EXOC4: variants seen among roughly 807,000 people sequenced by gnomAD.
The protein encoded by EXOC4 is SEC8-like 1.
Under a neutral mutation model 107.2 loss-of-function variants are expected in EXOC4, and 71 were observed. That is an observed-to-expected ratio of 0.66 (90% CI 0.55 to 0.81). The LOEUF (loss-of-function observed/expected upper bound fraction) is 0.81. Among genes scored for constraint, EXOC4 ranks in the 30% least tolerant of loss-of-function variants. The probability of loss-of-function intolerance (pLI) is 0.00; values close to 1 mark genes in which losing one functional copy is unlikely to be tolerated. For missense variants in EXOC4, 1,108 were observed against 1,189.6 expected (o/e 0.93, Z 1.01); for synonymous variants, 456 against 441.2 (o/e 1.03, Z -0.42).
intron 17 of EXOC4, among the ~76,000 whole-genome samples, chr7:134,040,347 G>T (rs1325009754): frequency 6.6e-6 from 1 of 152,148 alleles, no homozygotes; most frequent in Non-Finnish European, 1.5e-5. Flanking sequence ...TTAAACTTAT[G>T]TTCCCACTGA....
chr7:133,749,963 T>G (rs954831120), intron 10 of EXOC4, among the ~76,000 whole-genome samples: 8 of 144,550 alleles, frequency 5.5e-5, no homozygotes, highest in East Asian at 2.0e-4. Context: ...CAGTTTTTTT[T>G]TTTTTTTTTT....
At chr7:133,431,947 C>A (rs1797865140) in intron 7 of EXOC4, among the ~76,000 whole-genome samples, 1 of 152,172 alleles carries the variant, frequency 6.6e-6, no homozygotes, top group Non-Finnish European at 1.5e-5. Flanking sequence ...TAAAATACTA[C>A]TTGAAAGTAC....
chr7:133,607,282 A>T (rs1194817990), intron 9 of EXOC4, among the ~76,000 whole-genome samples: 1 of 152,232 alleles, frequency 6.6e-6, no homozygotes, highest in Non-Finnish European at 1.5e-5. Flanking sequence ...TGATCAAATG[A>T]TAAAGTGAAG....
the EXOC4 span, among the ~76,000 whole-genome samples, chr7:134,077,665 A>C: frequency 6.6e-6 from 1 of 152,240 alleles, no homozygotes; most frequent in African/African-American, 2.4e-5. Flanking sequence ...GCTTAAAGCA[A>C]GCTTACAGGG....
intron 7 of EXOC4, among the ~76,000 whole-genome samples, chr7:133,453,175 T>A (rs1412299135): frequency 1.3e-5 from 2 of 152,204 alleles, no homozygotes; most frequent in Non-Finnish European, 2.9e-5. Flanking sequence ...GTTATATAAA[T>A]CATTTTATGT....
chr7:133,592,068 C>T (rs1304274070), intron 9 of EXOC4, among the ~76,000 whole-genome samples: 1 of 151,114 alleles, frequency 6.6e-6, no homozygotes, highest in Non-Finnish European at 1.5e-5. Flanking sequence ...TTTCTTTTTT[C>T]TTGTTTTTTT....
intron 4 of EXOC4, among the ~76,000 whole-genome samples, chr7:133,310,176 A>T (rs1794838711): frequency 6.6e-6 from 1 of 152,216 alleles, no homozygotes; most frequent in South Asian, 2.1e-4. Flanking sequence ...AAATCAATAG[A>T]GAAGACAAAA....
At chr7:133,305,037 A>G (rs1231900250) in intron 3 of EXOC4, among the ~76,000 whole-genome samples, 1 of 151,402 alleles carries the variant, frequency 6.6e-6, no homozygotes, top group Non-Finnish European at 1.5e-5. Flanking sequence ...TTTTGTGTAC[A>G]TGAATAAATG....
At chr7:134,068,443 C>T (rs150508685), downstream of EXOC4, among the ~76,000 whole-genome samples, 137 of 152,292 alleles carry the variant, frequency 9.0e-4, 2 homozygotes, top group Admixed American at 8.3e-3. Flanking sequence ...CCATGTAAGA[C>T]GTGACTTTGC....
chr7:133,572,689 T>C (rs1437572125), intron 9 of EXOC4, among the ~76,000 whole-genome samples: 1 of 152,178 alleles, frequency 6.6e-6, no homozygotes, highest in Non-Finnish European at 1.5e-5. Context: ...TTAGTGTAGA[T>C]ACATTATTGA....
At chr7:133,702,460 T>G (rs1011893402) in intron 10 of EXOC4, among the ~76,000 whole-genome samples, 1 of 149,726 alleles carries the variant, frequency 6.7e-6, no homozygotes, top group Non-Finnish European at 1.5e-5. Context: ...CACCTCAGCC[T>G]CTTGAGAAGC....
the EXOC4 span, among the ~76,000 whole-genome samples, chr7:134,100,471 G>A: frequency 7.8e-6 from 1 of 127,868 alleles, no homozygotes; most frequent in Non-Finnish European, 1.7e-5. Flanking sequence ...TGTATCTTTA[G>A]AGATGAAAAG....
intron 10 of EXOC4, among the ~76,000 whole-genome samples, chr7:133,768,797 T>G (rs1796188728): frequency 6.6e-6 from 1 of 151,958 alleles, no homozygotes; most frequent in Admixed American, 6.6e-5. Flanking sequence ...ATGGCCCTTC[T>G]TCTCAGAGAG....
intron 4 of EXOC4, chr7:133,315,178 A>C (rs1584803464): frequency 2.0e-5 from 3 of 152,564 alleles, no homozygotes; most frequent in African/African-American, 7.2e-5. Context: ...TCTGGGGCTG[A>C]TCACACTTGC....
intron 10 of EXOC4, among the ~76,000 whole-genome samples, chr7:133,707,279 G>A (rs1455205291): frequency 1.3e-5 from 2 of 152,084 alleles, no homozygotes; most frequent in African/African-American, 4.8e-5. Flanking sequence ...AGCTACTCTG[G>A]AGGCTGAGGC....
chr7:133,585,602 G>T, intron 9 of EXOC4, among the ~76,000 whole-genome samples: 1 of 151,898 alleles, frequency 6.6e-6, no homozygotes, highest in Non-Finnish European at 1.5e-5. Context: ...CACCAGCCTA[G>T]GTGACAGAGT....
At chr7:134,017,242 T>G (rs1338998344) in intron 17 of EXOC4, among the ~76,000 whole-genome samples, 3 of 151,656 alleles carry the variant, frequency 2.0e-5, no homozygotes, top group Non-Finnish European at 4.4e-5. Flanking sequence ...GGGATTAATT[T>G]TGTAGAAGAG....
At chr7:133,411,674 T>C (rs1046324338) in intron 7 of EXOC4, among the ~76,000 whole-genome samples, 2 of 152,142 alleles carry the variant, frequency 1.3e-5, no homozygotes, top group African/African-American at 4.8e-5. Flanking sequence ...ACAGTTTTTT[T>C]TTAGTCTTTG....
At chr7:133,707,613 A>T (rs1016037912) in intron 10 of EXOC4, among the ~76,000 whole-genome samples, 4 of 151,504 alleles carry the variant, frequency 2.6e-5, no homozygotes, top group Non-Finnish European at 5.9e-5. Flanking sequence ...TTTATTTTTT[A>T]TTTATTTATT....
Sources: gnomAD v4.1 joint callset for allele counts (sites outside exome capture counted in the v4.1 genomes callset) on GRCh38, gnomAD v4.1.1 for gene constraint, MANE v1.5 for transcripts, NCBI Gene and HGNC (gene_info 2026-07-23, HGNC 2026-07-21) for gene names.